SYNPO: variants seen among roughly 807,000 people sequenced by gnomAD.
The protein encoded by SYNPO is synaptopodin.
Under a neutral mutation model 49.5 loss-of-function variants are expected in SYNPO, and 19 were observed. That is an observed-to-expected ratio of 0.38 (90% CI 0.27 to 0.56). SYNPO has a LOEUF of 0.56. Ranked by LOEUF, SYNPO falls within the 20% of genes least tolerant of loss-of-function variation. The probability of loss-of-function intolerance (pLI) is 0.68; values close to 1 mark genes in which losing one functional copy is unlikely to be tolerated. For missense variants in SYNPO, 1,131 were observed against 1,248.3 expected (o/e 0.91, Z 1.42); for synonymous variants, 536 against 548.0 (o/e 0.98, Z 0.31).
In SYNPO at chr5:150,657,219, G is replaced by C. The variant is rs1758606187; in HGVS notation, c.*132G>C. On this transcript the variant is annotated 3_prime_UTR_variant, in exon 3 of 3. Coordinates refer to ENST00000307662, the MANE Select transcript of SYNPO (RefSeq NM_007286.6). ...GTCAGCAGAGGAGAGCTCTGGGGTTGGGGATGGGTTAGGGACGCAAGCTTG... is the reference window on the plus strand; with the variant it reads ...GTCAGCAGAGGAGAGCTCTGGGGTTCGGGATGGGTTAGGGACGCAAGCTTG... The C allele has an allele frequency of 9.4e-7, 1 of 1,059,652 alleles. No homozygotes were observed. The highest frequency in any genetic ancestry group is 2.6e-5 in the East Asian group (1 of 38,248). The allele number at this position is 1,059,652 out of a possible 1,614,324, so 65.6% of individuals were successfully genotyped here. A position where few individuals can be genotyped will look rare whatever the true frequency, so the allele number is the denominator to read the frequency against.
chr5:150,612,259 G>A (rs574871059), intron 1 of SYNPO, among the ~76,000 whole-genome samples: 7 of 152,276 alleles, frequency 4.6e-5, no homozygotes, highest in African/African-American at 7.2e-5. Context: ...ATCTGAACCC[G>A]TTCAGAGTCA....
chr5:150,648,097 C>T lies in SYNPO; in HGVS notation c.-179C>T, dbSNP rs1758173214. ...CGCCGGCAGAGGGTGAACGAGTTCA[C>T]CTTGGAGAGCCACGGCCAGAGGGGA... On this transcript the variant is annotated 5_prime_UTR_variant, in exon 2 of 3. Transcript: ENST00000307662. This position sits in a 1 kb window ranked among gnomAD's most constrained non-coding sequence, Gnocchi z 5.0. The T allele has an allele frequency of 1.3e-6, 2 of 1,551,830 alleles. No homozygotes were observed. Among genetic ancestry groups the T allele is most frequent in the South Asian group, 1.2e-5 (1 of 84,088 alleles).
At chr5:150,602,401 T>C (rs900407837) in intron 1 of SYNPO, among the ~76,000 whole-genome samples, 3 of 152,226 alleles carry the variant, frequency 2.0e-5, no homozygotes, top group Non-Finnish European at 4.4e-5. Context: ...CCATGTAGAC[T>C]GCCAATTTTC....
chr5:150,626,336 A>T (rs1757357129), intron 2 of SYNPO, among the ~76,000 whole-genome samples: 1 of 152,184 alleles, frequency 6.6e-6, no homozygotes, highest in African/African-American at 2.4e-5. Flanking sequence ...CTGTCTCCTT[A>T]GGAGATCTTG....
intron 2 of SYNPO, among the ~76,000 whole-genome samples, chr5:150,623,098 C>T (rs1283378208): frequency 6.6e-6 from 1 of 152,192 alleles, no homozygotes; most frequent in East Asian, 1.9e-4. Context: ...GATTTGCTTA[C>T]AGAGCTGCAG....
intron 1 of SYNPO, among the ~76,000 whole-genome samples, chr5:150,641,492 A>G (rs1757905436): frequency 6.6e-6 from 1 of 151,986 alleles, no homozygotes; most frequent in Non-Finnish European, 1.5e-5. Context: ...GTGAAGAAGC[A>G]TTTCCTTGAA....
At chr5:150,645,772 CGT>C (rs1758068772) in intron 1 of SYNPO, among the ~76,000 whole-genome samples, 1 of 152,192 alleles carries the variant, frequency 6.6e-6, no homozygotes. Flanking sequence ...TCTGAACCTC[CGT>C]TTCTTCTTCT....
intron 2 of SYNPO, among the ~76,000 whole-genome samples, chr5:150,634,202 TA>T (rs971285013): frequency 3.9e-5 from 6 of 152,158 alleles, no homozygotes; most frequent in African/African-American, 1.4e-4. Context: ...CGGTCTAGGA[TA>T]AAGCCCAGGA....
At chr5:150,637,155 G>A (rs1757743505), upstream of SYNPO, among the ~76,000 whole-genome samples, 1 of 152,156 alleles carries the variant, frequency 6.6e-6, no homozygotes, top group Non-Finnish European at 1.5e-5. Flanking sequence ...AGCCATAGAT[G>A]GGGGAAGAAC....
chr5:150,599,075 C>A (rs1246669702), upstream of SYNPO, among the ~76,000 whole-genome samples: 1 of 152,238 alleles, frequency 6.6e-6, no homozygotes, highest in Non-Finnish European at 1.5e-5. Context: ...CACCCATGGG[C>A]AAGGAGGCCT....
intron 2 of SYNPO, among the ~76,000 whole-genome samples, chr5:150,619,053 C>T (rs929278814): frequency 3.3e-5 from 5 of 151,990 alleles, no homozygotes; most frequent in African/African-American, 7.2e-5. Flanking sequence ...AAAAAAAATG[C>T]CCATTTCCCA....
intron 2 of SYNPO, among the ~76,000 whole-genome samples, chr5:150,627,469 T>G (rs1343746518): frequency 1.3e-5 from 2 of 152,218 alleles, no homozygotes; most frequent in Middle Eastern, 3.4e-3. Flanking sequence ...GGATGGGTGC[T>G]TAGACACTGA....
At chr5:150,650,570 G>A in intron 2 of SYNPO, 1 of 1,455,192 alleles carries the variant, frequency 6.9e-7, no homozygotes, top group African/African-American at 1.4e-5. Flanking sequence ...GAGCGGGGAG[G>A]AGGGTCATGG....
At chr5:150,611,754 G>A (rs1457314945) in intron 1 of SYNPO, among the ~76,000 whole-genome samples, 1 of 152,222 alleles carries the variant, frequency 6.6e-6, no homozygotes, top group Non-Finnish European at 1.5e-5. Flanking sequence ...AAGGGATCGG[G>A]ACCGTGGGAT....
chr5:150,609,724 A>T (rs1359120880), intron 1 of SYNPO, among the ~76,000 whole-genome samples: 3 of 145,056 alleles, frequency 2.1e-5, no homozygotes, highest in African/African-American at 7.6e-5. Flanking sequence ...CCGAAATCAT[A>T]GTATCCGTCT....
At chr5:150,653,321 C>T (rs183321467) in intron 2 of SYNPO, 1 of 152,388 alleles carries the variant, frequency 6.6e-6, no homozygotes, top group Non-Finnish European at 1.5e-5. Flanking sequence ...CTGCCCTCAA[C>T]ATTCAATCCC....
At chr5:150,610,278 A>G (rs7727478) in intron 1 of SYNPO, among the ~76,000 whole-genome samples, 76,926 of 152,018 alleles carry the variant, frequency 0.51, 20,546 homozygotes, top group East Asian at 0.7. Context: ...ATGTGGCCAC[A>G]GTCACAGGCA....
chr5:150,597,995 C>G (rs1403453363), upstream of SYNPO, among the ~76,000 whole-genome samples: 1 of 152,064 alleles, frequency 6.6e-6, no homozygotes, highest in Non-Finnish European at 1.5e-5. Context: ...CACCCGGTTA[C>G]CTAAGGAGGG....
chr5:150,632,432 A>G lies in SYNPO; in HGVS notation c.400+13665A>G, dbSNP rs78914706. Among the ~76,000 whole-genome samples, 461 of 152,356 alleles carry G rather than the reference A, an allele frequency of 3.0e-3. 2 individuals are homozygous for G. Among genetic ancestry groups the G allele is most frequent in the African/African-American group, 0.01 (420 of 41,590 alleles). On this transcript the variant is annotated intron_variant, in intron 2 of 2. Coordinates refer to the SYNPO transcript ENST00000394243. ...TCTAAAGCTTTACATATAAACACAT[A>G]AGAGGGCACCCACCCACTGTATATT...
Sources: allele counts gnomAD v4.1 joint callset (sites outside exome capture counted in the v4.1 genomes callset), GRCh38; gene constraint gnomAD v4.1.1; non-coding constraint Gnocchi (gnomAD v3.1); transcripts MANE v1.5; gene names NCBI Gene and HGNC (gene_info 2026-07-23, HGNC 2026-07-21).